The following EPHA7 variants were observed in gnomAD, a reference collection of about 807,000 sequenced individuals.
The protein encoded by EPHA7 is ephrin type-A receptor 7.
EPHA7 carries 25 observed loss-of-function variants against 112.6 expected under a neutral mutation model. The observed-to-expected ratio is 0.22, with a 90% CI of 0.16 to 0.31. The LOEUF (loss-of-function observed/expected upper bound fraction) is 0.31, where lower values mean the gene tolerates loss of function less well. Among genes scored for constraint, EPHA7 ranks in the 10% least tolerant of loss-of-function variants. The pLI is 1.00. For synonymous variants in EPHA7, 437 were observed against 406.5 expected (o/e 1.07, Z -0.90); for missense variants, 962 against 1,212.6 (o/e 0.79, Z 3.07).
chr6:93,387,858 G>A (rs79042172), intron 3 of EPHA7, among the ~76,000 whole-genome samples: 1 of 151,676 alleles, frequency 6.6e-6, no homozygotes, highest in Admixed American at 6.6e-5. Flanking sequence ...CCCCAATACC[G>A]GTGGATTACA....
rs201933420 is a variant in EPHA7 at position 93,296,421 on chromosome 6, C to CAT, written c.1325-24001_1325-24000dup. On this transcript the variant is annotated intron_variant, in intron 5 of 16. Transcript: ENST00000369303. ...TGGTGACTGGATAAACTATTCATAG[C>CAT]ATATATATATAAAATATATAAATAT... Among the ~76,000 whole-genome samples the CAT allele has an allele frequency of 8.0e-3, 1,154 of 145,144 alleles. 21 individuals carry two copies. The highest frequency in any genetic ancestry group is 0.025 in the African/African-American group (985 of 40,000).
At chr6:93,256,163 A>T in intron 12 of EPHA7, 126 bp from the exon 13 acceptor site, 1 of 745,284 alleles carries the variant, frequency 1.3e-6, no homozygotes, top group East Asian at 2.7e-5. Context: ...TTTTTTATAT[A>T]ATATGGATAC....
intron 5 of EPHA7, among the ~76,000 whole-genome samples, chr6:93,286,650 G>A (rs1315700210): frequency 6.6e-6 from 1 of 152,106 alleles, no homozygotes; most frequent in East Asian, 1.9e-4. Flanking sequence ...CTAAGTGAAG[G>A]CACCAGATCA....
At chr6:93,314,865 T>A (rs962416933) in intron 5 of EPHA7, among the ~76,000 whole-genome samples, 1 of 139,900 alleles carries the variant, frequency 7.1e-6, no homozygotes, top group Non-Finnish European at 1.5e-5. Flanking sequence ...TTTCTTTTTT[T>A]TTTTTTTTTT....
intron 14 of EPHA7, among the ~76,000 whole-genome samples, chr6:93,253,732 T>G (rs1770317141): frequency 6.6e-6 from 1 of 152,096 alleles, no homozygotes; most frequent in African/African-American, 2.4e-5. Flanking sequence ...CCAGTGTGCT[T>G]CCTTAGAGAA....
chr6:93,352,946 G>A (rs1775767479), intron 5 of EPHA7, among the ~76,000 whole-genome samples: 1 of 152,032 alleles, frequency 6.6e-6, no homozygotes. Context: ...GGGGTGGAGG[G>A]TGGCCAGAGG....
chr6:93,256,904 CAT>C lies in EPHA7; in HGVS notation c.2172+556_2172+557del, dbSNP rs546246963. Among the ~76,000 whole-genome samples, 355 of 152,078 alleles carry C rather than the reference CAT, an allele frequency of 2.3e-3. 1 individual carries two copies. Among genetic ancestry groups the C allele is most frequent in the Non-Finnish European group, 3.7e-3 (253 of 67,930 alleles). On this transcript the variant is annotated intron_variant, in intron 12 of 16. Coordinates refer to ENST00000369303, the MANE Select transcript of EPHA7 (RefSeq NM_004440.4). ...TCTTTGCCATTTGGAAAAATGTTCA[CAT>C]GTTAATATTCTTAGTTAAAAAGCCT...
rs73532313 is a variant in EPHA7 at position 93,339,510 on chromosome 6, T to C, written c.1324+17207A>G. 8.3e-3 allele frequency among the ~76,000 whole-genome samples: 1,261 copies of C among 151,906 alleles called. 16 individuals carry two copies. Among genetic ancestry groups the C allele is most frequent in the African/African-American group, 0.028 (1,157 of 41,528 alleles). On this transcript the variant is annotated intron_variant, in intron 5 of 16. Transcript: ENST00000369303. ...TATAAAACATTTTTTCATATATTGC[T>C]TCATGTAATACTGAGATTAACTAAT...
chr6:93,389,079 T>C (rs1240315301), intron 3 of EPHA7, among the ~76,000 whole-genome samples: 1 of 152,010 alleles, frequency 6.6e-6, no homozygotes, highest in African/African-American at 2.4e-5. Context: ...AGAATAGATT[T>C]TGGAGATATT....
intron 6 of EPHA7, among the ~76,000 whole-genome samples, chr6:93,270,044 GAA>G (rs1417492994): frequency 5.3e-5 from 8 of 151,454 alleles, no homozygotes. Context: ...AGTTTTTTCT[GAA>G]AGTTATTCAG....
chr6:93,390,194 T>G (rs1463440455), intron 3 of EPHA7, among the ~76,000 whole-genome samples: 2 of 150,936 alleles, frequency 1.3e-5, no homozygotes, highest in African/African-American at 4.9e-5. Context: ...ATGTGGAATA[T>G]TCTAAAAGGT....
chr6:93,388,205 C>A (rs1247556248), intron 3 of EPHA7, among the ~76,000 whole-genome samples: 1 of 152,064 alleles, frequency 6.6e-6, no homozygotes, highest in Non-Finnish European at 1.5e-5. Flanking sequence ...TCCATGAAAG[C>A]AAATATAATT....
chr6:93,291,899 C>A (rs1027956131), intron 5 of EPHA7, among the ~76,000 whole-genome samples: 1 of 151,550 alleles, frequency 6.6e-6, no homozygotes, highest in Non-Finnish European at 1.5e-5. Context: ...AGATAAGGTG[C>A]AAAAGAACTT....
intron 5 of EPHA7, among the ~76,000 whole-genome samples, chr6:93,283,968 ATTC>A (rs954029591): frequency 6.6e-6 from 1 of 152,228 alleles, no homozygotes; most frequent in African/African-American, 2.4e-5. Flanking sequence ...AGGTATGCCT[ATTC>A]TTAAAGTGAT....
In EPHA7 at chr6:93,258,122, T is replaced by C. The variant is rs1045593838; in HGVS notation, c.2087A>G (p.His696Arg). The C allele has an allele frequency of 6.2e-7, 1 of 1,613,294 alleles. No homozygotes were observed. Among genetic ancestry groups the C allele is most frequent in the Admixed American group, 1.7e-5 (1 of 59,866 alleles). The change falls in exon 11 of 17, where the codon CAT (histidine) becomes CGT (arginine). Residue 696 changes from histidine (H) to arginine (R), a missense_variant. Around this residue, in one of 3 missense-constraint regions of EPHA7, gnomAD observed 746 missense variants for 889.2 expected, o/e 0.84. Coordinates refer to ENST00000369303, the MANE Select transcript of EPHA7 (RefSeq NM_004440.4). ...ACCTCTTGTAACAACCCCTTCCAAA[T>C]GGACAACATTCGGGTGGTCAAACTG... is the stretch of plus-strand genomic sequence containing the variant. ...MGQFDHPNVV[H>R]LEGVVTRGKP...
At chr6:93,254,929 A>C in intron 13 of EPHA7, 133 bp from the exon 14 acceptor site, 1 of 594,350 alleles carries the variant, frequency 1.7e-6, no homozygotes, top group Non-Finnish European at 2.8e-6. Context: ...TTGAATCTCT[A>C]TGCGTATTTA....
chr6:93,418,463 C>G (rs150526481), intron 1 of EPHA7, among the ~76,000 whole-genome samples: 5 of 152,222 alleles, frequency 3.3e-5, no homozygotes, highest in South Asian at 2.1e-4. Context: ...GACTTTGAGT[C>G]GCCCAGGCGG....
At chr6:93,328,692 G>T (rs1450243650) in intron 5 of EPHA7, among the ~76,000 whole-genome samples, 1 of 151,208 alleles carries the variant, frequency 6.6e-6, no homozygotes, top group Non-Finnish European at 1.5e-5. Flanking sequence ...CATCAAAGGG[G>T]CACTATTCAA....
chr6:93,343,737 T>A (rs963438197), intron 5 of EPHA7, among the ~76,000 whole-genome samples: 2 of 151,660 alleles, frequency 1.3e-5, no homozygotes, highest in Non-Finnish European at 3.0e-5. Flanking sequence ...GATCCATTCA[T>A]CCATTTCATC....
Sources: gnomAD v4.1 joint callset for allele counts (sites outside exome capture counted in the v4.1 genomes callset) on GRCh38, gnomAD v4.1.1 for gene constraint, gnomAD v4.1.1 regional missense constraint, MANE v1.5 for transcripts, NCBI Gene and HGNC (gene_info 2026-07-23, HGNC 2026-07-21) for gene names.